The following ENPP3 variants were observed in gnomAD, a reference collection of about 807,000 sequenced individuals.
ENPP3 encodes ectonucleotide pyrophosphatase/phosphodiesterase family member 3.
A neutral mutation model predicts 117.8 loss-of-function variants in ENPP3; 104 were observed. The observed-to-expected ratio is 0.88, with a 90% confidence interval of 0.75 to 1.04. The LOEUF is 1.04. Ranked by LOEUF, ENPP3 falls within the 50% of genes least tolerant of loss-of-function variation. The pLI is 0.00. For missense variants in ENPP3, 1,026 were observed against 1,051.9 expected (o/e 0.98, Z 0.34); for synonymous variants, 380 against 349.9 (o/e 1.09, Z -0.96).
chr6:131,679,259 T>A (rs1375997245), intron 11 of ENPP3, among the ~76,000 whole-genome samples: 1 of 151,612 alleles, frequency 6.6e-6, no homozygotes, highest in African/African-American at 2.4e-5. Context: ...CACGCTAGGC[T>A]AATTTTTGTA....
intron 1 of ENPP3, among the ~76,000 whole-genome samples, chr6:131,641,073 G>A (rs570097356): frequency 7.9e-5 from 12 of 152,146 alleles, no homozygotes; most frequent in African/African-American, 2.6e-4. Flanking sequence ...TAACAGTTCT[G>A]CAATTCTTTT....
intron 15 of ENPP3, among the ~76,000 whole-genome samples, chr6:131,696,515 G>T (rs1453560097): frequency 6.6e-6 from 1 of 152,212 alleles, no homozygotes; most frequent in Admixed American, 6.5e-5. Flanking sequence ...CATACAGCAG[G>T]TCTGCCCTGT....
At chr6:131,735,249 A>G (rs1331430762) in intron 21 of ENPP3, among the ~76,000 whole-genome samples, 3 of 152,184 alleles carry the variant, frequency 2.0e-5, no homozygotes, top group African/African-American at 7.2e-5. Flanking sequence ...TTATTTGTTA[A>G]AAATAGAAGT....
intron 2 of ENPP3, among the ~76,000 whole-genome samples, chr6:131,645,888 G>A (rs1778143374): frequency 6.6e-6 from 1 of 151,986 alleles, no homozygotes; most frequent in Non-Finnish European, 1.5e-5. Flanking sequence ...TGGGAAACTT[G>A]GTGGGCAACT....
At chr6:131,730,003 A>T (rs1780241311) in intron 20 of ENPP3, among the ~76,000 whole-genome samples, 1 of 152,210 alleles carries the variant, frequency 6.6e-6, no homozygotes, top group Admixed American at 6.5e-5. Context: ...CCACAGCCTC[A>T]TTAAAAATTA....
chr6:131,725,832 G>C (rs1215639868), intron 19 of ENPP3, among the ~76,000 whole-genome samples: 3 of 151,982 alleles, frequency 2.0e-5, no homozygotes, highest in African/African-American at 7.2e-5. Flanking sequence ...GTAAAATGGA[G>C]TAATAACACC....
chr6:131,654,506 G>A (rs1778341531), intron 5 of ENPP3, among the ~76,000 whole-genome samples: 1 of 151,646 alleles, frequency 6.6e-6, no homozygotes, highest in Non-Finnish European at 1.5e-5. Flanking sequence ...GCAGTGGCGT[G>A]ATCATGACTC....
chr6:131,650,955 T>C (rs1168894115), intron 3 of ENPP3, among the ~76,000 whole-genome samples: 1 of 152,166 alleles, frequency 6.6e-6, no homozygotes, highest in African/African-American at 2.4e-5. Context: ...AGTCTCACTT[T>C]GTTGCCCAGG....
At chr6:131,726,768 G>C (rs767079358) in intron 20 of ENPP3, among the ~76,000 whole-genome samples, 3 of 152,156 alleles carry the variant, frequency 2.0e-5, no homozygotes, top group African/African-American at 7.2e-5. Flanking sequence ...CTTGTTTAAA[G>C]CCCCTTCCCT....
chr6:131,652,818 T>A lies in ENPP3; in HGVS notation c.404-13T>A, dbSNP rs1401236388. The A allele has an allele frequency of 6.2e-7, 1 of 1,611,954 alleles. No homozygotes were observed. The highest frequency in any genetic ancestry group is 2.2e-5 in the East Asian group (1 of 44,852). On this transcript the variant is annotated splice_polypyrimidine_tract_variant and intron_variant, in intron 4 of 24. Coordinates refer to ENST00000357639, the MANE Select transcript of ENPP3 (RefSeq NM_005021.5). ...TGCAGCAAGTATCAAGATTTTGATC[T>A]TATGCTTTTCAGGAGAAACCTCATG...
chr6:131,730,295 T>G (rs901057805), intron 20 of ENPP3, among the ~76,000 whole-genome samples: 6 of 152,176 alleles, frequency 3.9e-5, no homozygotes, highest in Non-Finnish European at 8.8e-5. Flanking sequence ...TTATACCAAG[T>G]GGAGAAACCT....
At chr6:131,737,074 G>C (rs1353453031) in intron 21 of ENPP3, among the ~76,000 whole-genome samples, 1 of 152,106 alleles carries the variant, frequency 6.6e-6, no homozygotes, top group African/African-American at 2.4e-5. Context: ...ATCTCATCTA[G>C]AGACTCCTAG....
intron 6 of ENPP3, among the ~76,000 whole-genome samples, chr6:131,661,665 A>G (rs564764968): frequency 2.8e-4 from 42 of 152,264 alleles, no homozygotes; most frequent in South Asian, 4.1e-4. Context: ...GGATATTTGT[A>G]TGTCTTTAGA....
chr6:131,706,969 G>T (rs1448019892), intron 15 of ENPP3, among the ~76,000 whole-genome samples: 51 of 151,784 alleles, frequency 3.4e-4, no homozygotes, highest in African/African-American at 1.1e-3. Context: ...ATTGGGAAAT[G>T]CTCTCTCTTT....
intron 24 of ENPP3, among the ~76,000 whole-genome samples, chr6:131,744,761 TG>T (rs1780597265): frequency 6.6e-6 from 1 of 152,000 alleles, no homozygotes; most frequent in Non-Finnish European, 1.5e-5. Flanking sequence ...AGTTGTATTT[TG>T]GGGATATACA....
rs142781824 is a variant in ENPP3, at chr6:131,641,669, A to C, written c.154+139A>C. The stretch of plus-strand genomic sequence containing the variant: ...TGCTTCTAGACATCTCCCTTTCCCC[A>C]CTCTACTTATCGGGAGTCCACATCT... On this transcript the variant is annotated intron_variant, in intron 2 of 24. Transcript: ENST00000357639. 5.6e-3 allele frequency: 3,066 copies of C among 546,384 alleles called. 13 individuals carry two copies. The highest frequency in any genetic ancestry group is 0.013 in the Middle Eastern group (45 of 3,432). 33.8% of individuals were successfully genotyped at this position (546,384 alleles called of 1,614,324 possible). A position where few individuals can be genotyped will look rare whatever the true frequency, so the allele number is the denominator to read the frequency against.
intron 5 of ENPP3, among the ~76,000 whole-genome samples, chr6:131,654,196 C>T (rs953619172): frequency 4.6e-5 from 7 of 151,576 alleles, no homozygotes; most frequent in East Asian, 1.9e-4. Context: ...AGCAGTGGCA[C>T]GATCATAGCT....
chr6:131,741,609 G>A (rs1323990327), intron 24 of ENPP3, among the ~76,000 whole-genome samples: 1 of 152,140 alleles, frequency 6.6e-6, no homozygotes, highest in Admixed American at 6.6e-5. Flanking sequence ...TATGAAGAAT[G>A]AAGAGGATTT....
chr6:131,701,524 G>A (rs886567233), intron 15 of ENPP3: 1 of 434,698 alleles, frequency 2.3e-6, no homozygotes, highest in African/African-American at 2.2e-5. Context: ...CAGCTGCAGT[G>A]AGTTTTTGTG....
Sources: gnomAD v4.1 joint callset for allele counts (sites outside exome capture counted in the v4.1 genomes callset) on GRCh38, gnomAD v4.1.1 for gene constraint, MANE v1.5 for transcripts, NCBI Gene and HGNC (gene_info 2026-07-23, HGNC 2026-07-21) for gene names.